MIB1: variants seen among roughly 807,000 people sequenced by gnomAD.
MIB1 encodes E3 ubiquitin-protein ligase MIB1.
Under a neutral mutation model 124.5 loss-of-function variants are expected in MIB1, and 278 were observed. That is an observed-to-expected ratio of 2.23 (90% CI 2.02 to 2.47). The LOEUF (loss-of-function observed/expected upper bound fraction) is 2.47, where lower values mean the gene tolerates loss of function less well. Ranked by LOEUF, MIB1 falls within the 30% of genes most tolerant of loss-of-function variation. The pLI is 0.00. For missense variants in MIB1, 957 were observed against 1,254.4 expected (o/e 0.76, Z 3.58); for synonymous variants, 446 against 429.4 (o/e 1.04, Z -0.48).
At chr18:21,724,395 A>G (rs946399693) in intron 1 of MIB1, among the ~76,000 whole-genome samples, 1 of 152,072 alleles carries the variant, frequency 6.6e-6, no homozygotes, top group African/African-American at 2.4e-5. Context: ...ATTTTAGGTT[A>G]CATTCAATTA....
At chr18:21,723,202 T>A (rs1226981036) in intron 1 of MIB1, among the ~76,000 whole-genome samples, 1 of 152,218 alleles carries the variant, frequency 6.6e-6, no homozygotes, top group Non-Finnish European at 1.5e-5. Flanking sequence ...CTTTGGAATT[T>A]CTCTTATGTT....
chr18:21,860,103 T>TTTTTTTTTTC (rs2042263895), intron 20 of MIB1, among the ~76,000 whole-genome samples: 1 of 94,494 alleles, frequency 1.1e-5, no homozygotes. Flanking sequence ...TATGTCTTTT[T>TTTTTTTTTTC]TTTTTTTTTT....
At chr18:21,782,162 G>A (rs1452408414) in intron 6 of MIB1, among the ~76,000 whole-genome samples, 1 of 151,958 alleles carries the variant, frequency 6.6e-6, no homozygotes. Flanking sequence ...CGCTCTTGTT[G>A]CCCAGGCTGG....
At chr18:21,836,578 T>C (rs575819126) in intron 12 of MIB1, among the ~76,000 whole-genome samples, 8 of 152,318 alleles carry the variant, frequency 5.3e-5, no homozygotes, top group African/African-American at 1.9e-4. Flanking sequence ...TTTCATGTTA[T>C]GGAAAATGAA....
chr18:21,709,846 AT>A (rs1341047539), intron 1 of MIB1, among the ~76,000 whole-genome samples: 1 of 152,218 alleles, frequency 6.6e-6, no homozygotes, highest in East Asian at 1.9e-4. Context: ...ATAAGAAGAG[AT>A]GAAGGTGAAG....
intron 10 of MIB1, among the ~76,000 whole-genome samples, chr18:21,807,373 G>A (rs998832555): frequency 1.3e-5 from 2 of 152,108 alleles, no homozygotes; most frequent in African/African-American, 4.8e-5. Context: ...CCCAGGCTGT[G>A]GTGAGCTGAA....
Position 21,849,198 on chromosome 18 carries a change from G to A in MIB1, c.2396G>A (p.Gly799Asp). The change falls in exon 17 of 21, where the codon GGT (glycine) becomes GAT (aspartate). Residue 799 changes from glycine to aspartate, a missense_variant and splice_region_variant. Physicochemically the swap from Gly to Asp is moderately conservative, Grantham distance 94 (BLOSUM62 -1). Transcript: ENST00000261537. Reference sequence around the variant, plus strand: ...TTTGAAATACTTTCTTTTATTAGTGGTCAAGTGGGTTCTCGGAGTCCTTCT... The same window carrying A: ...TTTGAAATACTTTCTTTTATTAGTGATCAAGTGGGTTCTCGGAGTCCTTCT... Reference protein sequence around the residue: ...LAKCHKEKVSGQVGSRSPSMI... With the variant: ...LAKCHKEKVSDQVGSRSPSMI... 2 of 1,541,918 alleles carry A rather than the reference G, an allele frequency of 1.3e-6. No homozygotes were observed. Among genetic ancestry groups the A allele is most frequent in the Non-Finnish European group, 1.7e-6 (2 of 1,143,888 alleles).
At chr18:21,836,182 A>C (rs2042029445) in intron 12 of MIB1, among the ~76,000 whole-genome samples, 1 of 151,692 alleles carries the variant, frequency 6.6e-6, no homozygotes, top group Non-Finnish European at 1.5e-5. Flanking sequence ...TGAGCCTGGG[A>C]GGTTGAAACT....
intron 6 of MIB1, among the ~76,000 whole-genome samples, chr18:21,786,153 G>A (rs1390492543): frequency 1.3e-5 from 2 of 151,888 alleles, no homozygotes; most frequent in Non-Finnish European, 2.9e-5. Context: ...CTGGAGTGCA[G>A]TGGCACGATC....
At chr18:21,755,588 T>A (rs1265315419) in intron 1 of MIB1, among the ~76,000 whole-genome samples, 1 of 152,172 alleles carries the variant, frequency 6.6e-6, no homozygotes, top group Non-Finnish European at 1.5e-5. Context: ...GTGCTGGGAT[T>A]ACGGGCGTGA....
At chr18:21,718,975 G>C (rs1419501660) in intron 1 of MIB1, among the ~76,000 whole-genome samples, 1 of 151,992 alleles carries the variant, frequency 6.6e-6, no homozygotes, top group Non-Finnish European at 1.5e-5. Context: ...GATCACCCTA[G>C]GTCGGGAGTT....
intron 1 of MIB1, among the ~76,000 whole-genome samples, chr18:21,753,885 C>T (rs1288872389): frequency 6.6e-6 from 1 of 152,132 alleles, no homozygotes; most frequent in Non-Finnish European, 1.5e-5. Context: ...ACCATGTTGA[C>T]CAGGCTGGTC....
At chr18:21,795,336 AAT>A (rs1014707818) in intron 7 of MIB1, among the ~76,000 whole-genome samples, 29 of 138,248 alleles carry the variant, frequency 2.1e-4, no homozygotes, top group Non-Finnish European at 3.5e-4. Flanking sequence ...ATAAATATAT[AAT>A]ATATATAATA....
At chr18:21,797,375 C>T (rs1390207340) in intron 7 of MIB1, among the ~76,000 whole-genome samples, 2 of 151,924 alleles carry the variant, frequency 1.3e-5, no homozygotes, top group East Asian at 3.9e-4. Context: ...AAGAATGTAG[C>T]CTCATAGAGT....
intron 6 of MIB1, among the ~76,000 whole-genome samples, chr18:21,781,367 A>ATATATATGTG (rs2041361207): frequency 1.1e-3 from 3 of 2,618 alleles, no homozygotes. Context: ...TGTTCAAGTT[A>ATATATATGTG]TATATATATA....
chr18:21,856,247 C>CAAAAAAT (rs1598644988), intron 18 of MIB1, among the ~76,000 whole-genome samples: 1 of 89,054 alleles, frequency 1.1e-5, no homozygotes, highest in Non-Finnish European at 2.4e-5. Flanking sequence ...AAAAAAAAAA[C>CAAAAAAT]AAAAAACAAA....
chr18:21,711,734 C>G (rs571798217), intron 1 of MIB1, among the ~76,000 whole-genome samples: 1 of 152,216 alleles, frequency 6.6e-6, no homozygotes, highest in Non-Finnish European at 1.5e-5. Flanking sequence ...TGCTCTGTCA[C>G]TCAGGCTGGC....
chr18:21,864,695 A>C lies in MIB1; in HGVS notation c.*29A>C. 6.3e-7 allele frequency: 1 copy of C among 1,585,580 alleles called. No homozygotes were observed. The highest frequency in any genetic ancestry group is 8.6e-7 in the Non-Finnish European group (1 of 1,157,152). On this transcript the variant is annotated 3_prime_UTR_variant, in exon 21 of 21. Coordinates refer to ENST00000261537, the MANE Select transcript of MIB1 (RefSeq NM_020774.4). ...AGACACATGGTGTATTTTGTTAGCT[A>C]ATGTATCTAGTCATGAGATCTTAAT...
At chr18:21,821,129 C>G (rs2041874106) in intron 12 of MIB1, among the ~76,000 whole-genome samples, 1 of 152,190 alleles carries the variant, frequency 6.6e-6, no homozygotes, top group South Asian at 2.1e-4. Context: ...CAATTAAGTA[C>G]TCACCACATT....
Sources: gnomAD v4.1 joint callset for allele counts (sites outside exome capture counted in the v4.1 genomes callset) on GRCh38, gnomAD v4.1.1 for gene constraint, MANE v1.5 for transcripts, NCBI Gene and HGNC (gene_info 2026-07-23, HGNC 2026-07-21) for gene names.